Variants in SLC9C1 observed in about 807,000 individuals in gnomAD.
The protein encoded by SLC9C1 is sodium/hydrogen exchanger 10.
SLC9C1 carries 97 observed loss-of-function variants against 140.9 expected under a neutral mutation model. The observed-to-expected ratio is 0.69, with a 90% confidence interval of 0.58 to 0.82. The LOEUF is 0.82. Among genes scored for constraint, SLC9C1 ranks in the 40% least tolerant of loss-of-function variants. SLC9C1 has a pLI of 0.00. For synonymous variants in SLC9C1, 440 were observed against 442.6 expected, an observed-to-expected ratio of 0.99 and a Z score of 0.07; for missense variants, 1,340 against 1,389.3, an observed-to-expected ratio of 0.96 and a Z score of 0.56.
intron 6 of SLC9C1, among the ~76,000 whole-genome samples, chr3:112,271,175 G>C (rs1161904039): frequency 6.6e-6 from 1 of 151,936 alleles, no homozygotes; most frequent in African/African-American, 2.4e-5. Context: ...GGGGATGTAG[G>C]GAGGAAGAGA....
intron 12 of SLC9C1, among the ~76,000 whole-genome samples, chr3:112,234,054 G>A (rs142996336): frequency 0.01 from 1,574 of 152,200 alleles, 26 homozygotes; most frequent in African/African-American, 0.034. Flanking sequence ...AGGAATTGCC[G>A]CACTGTCTTC....
chr3:112,280,930 C>T (rs1246344216), intron 2 of SLC9C1, 147 bp from the exon 3 acceptor site: 3 of 701,400 alleles, frequency 4.3e-6, no homozygotes, highest in Non-Finnish European at 7.4e-6. Context: ...CTTATCAGCA[C>T]ACAGAATCAG....
intron 15 of SLC9C1, among the ~76,000 whole-genome samples, chr3:112,216,844 C>A (rs1370840458): frequency 6.6e-6 from 1 of 152,152 alleles, no homozygotes; most frequent in Non-Finnish European, 1.5e-5. Context: ...ACCCAGCCAT[C>A]CCATTACTGG....
chr3:112,244,121 T>C (rs771018453), intron 10 of SLC9C1, 45 bp from the exon 11 acceptor site: 2 of 1,223,082 alleles, frequency 1.6e-6, no homozygotes, highest in South Asian at 1.3e-5. Context: ...GACAATTTCA[T>C]ATAATATAGC....
chr3:112,165,966 A>G (rs2077124495), intron 26 of SLC9C1, among the ~76,000 whole-genome samples: 1 of 152,194 alleles, frequency 6.6e-6, no homozygotes. Context: ...AGCCTAAGCA[A>G]TGGCGGGTCC....
chr3:112,259,255 T>G (rs760757151), intron 10 of SLC9C1, among the ~76,000 whole-genome samples: 9 of 151,650 alleles, frequency 5.9e-5, no homozygotes, highest in Non-Finnish European at 1.0e-4. Context: ...TGAGAACATA[T>G]GGACACAAAG....
At chr3:112,230,830 T>G (rs62279472) in intron 13 of SLC9C1, among the ~76,000 whole-genome samples, 4,337 of 152,314 alleles carry the variant, frequency 0.028, 87 homozygotes, top group Non-Finnish European at 0.045. Context: ...CAACAGTTTG[T>G]ATGCTGCTGT....
At chr3:112,168,534 C>T (rs1249030426) in intron 25 of SLC9C1, among the ~76,000 whole-genome samples, 1 of 152,200 alleles carries the variant, frequency 6.6e-6, no homozygotes, top group African/African-American at 2.4e-5. Context: ...ATTGTTGATA[C>T]AGTTTTTCTG....
intron 16 of SLC9C1, among the ~76,000 whole-genome samples, chr3:112,206,312 C>G (rs534479745): frequency 6.6e-6 from 1 of 152,186 alleles, no homozygotes; most frequent in African/African-American, 2.4e-5. Flanking sequence ...ACATCTCACA[C>G]CAGTTAGAAT....
chr3:112,238,507 C>A (rs1439098080), intron 12 of SLC9C1, among the ~76,000 whole-genome samples: 1 of 152,298 alleles, frequency 6.6e-6, no homozygotes, highest in Admixed American at 6.5e-5. Context: ...TGAGGAGCTG[C>A]GTTCCTTTGG....
Position 112,286,798 on chromosome 3 carries a change from G to A in SLC9C1, c.-7C>T, listed in dbSNP as rs2080521309. On this transcript the variant is annotated 5_prime_UTR_variant, in exon 2 of 29. Coordinates refer to ENST00000305815, the MANE Select transcript of SLC9C1 (RefSeq NM_183061.3). ...CCTTAAATATTCCAGCCATGTTTCA[G>A]AAAAATTTTTATGCAGATTTATGTT... 2 of 1,607,062 alleles carry A rather than the reference G, an allele frequency of 1.2e-6. No homozygotes were observed. The highest frequency in any genetic ancestry group is 2.7e-5 in the African/African-American group (2 of 74,576).
intron 9 of SLC9C1, among the ~76,000 whole-genome samples, chr3:112,263,485 T>TA (rs1463370810): frequency 6.7e-6 from 1 of 150,078 alleles, no homozygotes; most frequent in Non-Finnish European, 1.5e-5. Context: ...TTATAGATTT[T>TA]AATCTTGCTG....
intron 28 of SLC9C1, among the ~76,000 whole-genome samples, chr3:112,150,612 A>G (rs1220394582): frequency 6.6e-6 from 1 of 151,904 alleles, no homozygotes; most frequent in Non-Finnish European, 1.5e-5. Flanking sequence ...GCTGAGGCAC[A>G]TTGAAAGCCT....
At chr3:112,161,431 G>C (rs975179777) in intron 26 of SLC9C1, among the ~76,000 whole-genome samples, 1 of 152,060 alleles carries the variant, frequency 6.6e-6, no homozygotes, top group Non-Finnish European at 1.5e-5. Context: ...TTAATCCATT[G>C]TGAATTGATT....
intron 1 of SLC9C1, among the ~76,000 whole-genome samples, chr3:112,287,676 G>A (rs1576535977): frequency 6.6e-6 from 1 of 152,160 alleles, no homozygotes; most frequent in African/African-American, 2.4e-5. Context: ...AGGATATTAT[G>A]ATTCTATCTC....
chr3:112,285,707 A>G (rs1235608411), intron 2 of SLC9C1, among the ~76,000 whole-genome samples: 2 of 152,226 alleles, frequency 1.3e-5, no homozygotes, highest in Non-Finnish European at 2.9e-5. Flanking sequence ...AAATATGCAC[A>G]TCAAGTCTAC....
At chr3:112,250,574 G>A (rs1430930378) in intron 10 of SLC9C1, among the ~76,000 whole-genome samples, 3 of 152,036 alleles carry the variant, frequency 2.0e-5, no homozygotes, top group Non-Finnish European at 4.4e-5. Flanking sequence ...TCCAGCACCT[G>A]TTGTGTCTAT....
chr3:112,196,995 A>G (rs1378174747), intron 20 of SLC9C1, among the ~76,000 whole-genome samples: 4 of 151,308 alleles, frequency 2.6e-5, no homozygotes, highest in Non-Finnish European at 2.9e-5. Context: ...ACAATGTGGT[A>G]ATTCTGGAAC....
chr3:112,266,010 T>A (rs4682096), intron 8 of SLC9C1, among the ~76,000 whole-genome samples: 89,926 of 151,848 alleles, frequency 0.59, 27,139 homozygotes, highest in East Asian at 0.79. Context: ...GAGGAATGAG[T>A]GGGGAAAGAG....
Sources: gnomAD v4.1 joint callset for allele counts (sites outside exome capture counted in the v4.1 genomes callset) on GRCh38, gnomAD v4.1.1 for gene constraint, MANE v1.5 for transcripts, NCBI Gene and HGNC (gene_info 2026-07-23, HGNC 2026-07-21) for gene names.